EYS: variants seen among roughly 807,000 people sequenced by gnomAD.
The protein encoded by EYS is protein eyes shut homolog.
A neutral mutation model predicts 282.1 loss-of-function variants in EYS; 250 were observed. That is an observed-to-expected ratio of 0.89 (90% CI 0.80 to 0.98). The LOEUF is 0.98. EYS is among the 50% of genes least tolerant of loss of function. The probability of loss-of-function intolerance (pLI) is 0.00; values close to 1 mark genes in which losing one functional copy is unlikely to be tolerated. For synonymous variants in EYS, 1,355 were observed against 1,282.9 expected (o/e 1.06, Z -1.20); for missense variants, 4,016 against 3,709.0 (o/e 1.08, Z -2.15).
intron 35 of EYS, among the ~76,000 whole-genome samples, chr6:63,934,062 A>G (rs1261355712): frequency 6.6e-6 from 1 of 152,186 alleles, no homozygotes; most frequent in Non-Finnish European, 1.5e-5. Flanking sequence ...TACAAGAAAA[A>G]AGCAACCCCA....
intron 22 of EYS, among the ~76,000 whole-genome samples, chr6:64,686,927 G>GTA (rs1355252461): frequency 4.0e-5 from 4 of 99,092 alleles, no homozygotes; most frequent in South Asian, 3.3e-4. Flanking sequence ...ATATATATAC[G>GTA]TATATATATA....
chr6:65,061,155 A>G (rs1773563531), intron 12 of EYS, among the ~76,000 whole-genome samples: 1 of 151,994 alleles, frequency 6.6e-6, no homozygotes, highest in Non-Finnish European at 1.5e-5. Context: ...TAAGGTGTAC[A>G]TGTATATAAT....
intron 12 of EYS, among the ~76,000 whole-genome samples, chr6:65,215,695 G>C (rs901233485): frequency 1.3e-5 from 2 of 152,124 alleles, no homozygotes; most frequent in Non-Finnish European, 2.9e-5. Flanking sequence ...TGTGTAAAAG[G>C]AACTGTGCAC....
intron 12 of EYS, among the ~76,000 whole-genome samples, chr6:65,123,646 T>C (rs1775630266): frequency 6.6e-6 from 1 of 152,036 alleles, no homozygotes; most frequent in African/African-American, 2.4e-5. Flanking sequence ...TGTTTATTAC[T>C]TAATGTTATG....
At chr6:64,352,365 T>A (rs1771672366) in intron 29 of EYS, among the ~76,000 whole-genome samples, 1 of 151,494 alleles carries the variant, frequency 6.6e-6, no homozygotes, top group Non-Finnish European at 1.5e-5. Flanking sequence ...ACGCAAAATA[T>A]TTTAGAACTA....
intron 28 of EYS, among the ~76,000 whole-genome samples, chr6:64,402,413 T>C (rs548022585): frequency 8.7e-4 from 133 of 152,340 alleles, no homozygotes; most frequent in Non-Finnish European, 1.8e-3. Context: ...TTTTAGTTGA[T>C]AGGAAAAACT....
Position 65,405,184 on chromosome 6 carries a change from T to C in EYS, c.1046A>G (p.Lys349Arg), listed in dbSNP as rs1283469162. 6.8e-6 allele frequency: 11 copies of C among 1,611,880 alleles called. No homozygotes were observed. The highest frequency in any genetic ancestry group is 9.3e-6 in the Non-Finnish European group (11 of 1,178,374). ...TAGATTGAGACTTACATTTGATATT[T>C]TGATGCAGTCAGTACCATTCTGACA... ...VPCQNGTDCI[K>R]ISNDVMCICS... The change falls in exon 6 of 43, where the codon AAA (lysine) becomes AGA (arginine). Residue 349 changes from lysine (K) to arginine (R), a missense_variant. By Grantham distance (26) the Lys-to-Arg change is conservative (BLOSUM62 2). Coordinates refer to ENST00000503581, the MANE Select transcript of EYS (RefSeq NM_001142800.2).
At chr6:65,188,072 T>C (rs1035620124) in intron 12 of EYS, among the ~76,000 whole-genome samples, 15 of 151,608 alleles carry the variant, frequency 9.9e-5, no homozygotes, top group Non-Finnish European at 1.5e-4. Flanking sequence ...AAAATAACTG[T>C]TTTTACTATT....
chr6:64,894,272 G>A (rs1767383135), intron 18 of EYS, among the ~76,000 whole-genome samples: 1 of 151,918 alleles, frequency 6.6e-6, no homozygotes, highest in Non-Finnish European at 1.5e-5. Context: ...CCATGGAATT[G>A]GGTTTCGTGA....
In EYS at chr6:65,132,089, C is replaced by A. The variant is rs7769027; in HGVS notation, c.2024-74362G>T. 6.4e-3 allele frequency among the ~76,000 whole-genome samples: 973 copies of A among 151,836 alleles called. 13 individuals are homozygous for A. Among genetic ancestry groups the A allele is most frequent in the African/African-American group, 0.022 (916 of 41,476 alleles). ...AATCAATAATAAATGCCCTGTCAAC[C>A]AAAAAAATTCCAGTGCCAGATGGAT... On this transcript the variant is annotated intron_variant, in intron 12 of 42. Coordinates refer to ENST00000503581, the MANE Select transcript of EYS (RefSeq NM_001142800.2).
chr6:64,000,098 AT>A (rs1423694173), intron 33 of EYS, among the ~76,000 whole-genome samples: 1 of 89,374 alleles, frequency 1.1e-5, no homozygotes, highest in Non-Finnish European at 2.4e-5. Flanking sequence ...GATCAGACTT[AT>A]TTTTTATTTT....
chr6:64,928,956 T>C (rs1482605045), intron 15 of EYS, among the ~76,000 whole-genome samples: 1 of 152,144 alleles, frequency 6.6e-6, no homozygotes, highest in Non-Finnish European at 1.5e-5. Context: ...TCAATAACCG[T>C]AAGATATGTT....
intron 33 of EYS, among the ~76,000 whole-genome samples, chr6:64,035,000 C>T (rs572403898): frequency 6.6e-6 from 1 of 152,268 alleles, no homozygotes; most frequent in South Asian, 2.1e-4. Context: ...CAGAGAATAG[C>T]TAGACGTCAA....
chr6:63,891,292 A>G (rs573889481), intron 35 of EYS, among the ~76,000 whole-genome samples: 2 of 152,276 alleles, frequency 1.3e-5, no homozygotes, highest in South Asian at 4.1e-4. Context: ...AAAAAAGATC[A>G]TTTCAGGCCA....
chr6:65,142,015 G>A (rs549702915), intron 12 of EYS, among the ~76,000 whole-genome samples: 144 of 152,110 alleles, frequency 9.5e-4, no homozygotes, highest in African/African-American at 3.3e-3. Context: ...GAGCAAACAT[G>A]TGTAACTCCA....
chr6:65,029,476 G>T (rs1326493293), intron 13 of EYS, among the ~76,000 whole-genome samples: 1 of 151,968 alleles, frequency 6.6e-6, no homozygotes, highest in Non-Finnish European at 1.5e-5. Context: ...AACAGCATAG[G>T]TTTAAATGAC....
intron 22 of EYS, among the ~76,000 whole-genome samples, chr6:64,792,323 A>G (rs1389640372): frequency 2.6e-5 from 4 of 152,004 alleles, no homozygotes; most frequent in African/African-American, 9.7e-5. Context: ...ATTAGATCAT[A>G]TATTTACAAT....
At chr6:65,171,550 A>C (rs1378483775) in intron 12 of EYS, among the ~76,000 whole-genome samples, 2 of 151,526 alleles carry the variant, frequency 1.3e-5, no homozygotes, top group African/African-American at 4.8e-5. Flanking sequence ...TATGTGGTAA[A>C]ACCCAACACT....
At chr6:64,692,791 G>A (rs1770433944) in intron 22 of EYS, among the ~76,000 whole-genome samples, 1 of 152,000 alleles carries the variant, frequency 6.6e-6, no homozygotes, top group Non-Finnish European at 1.5e-5. Context: ...TCGAAGATCA[G>A]ATGGTTGATA....
Sources: allele counts gnomAD v4.1 joint callset (sites outside exome capture counted in the v4.1 genomes callset), GRCh38; gene constraint gnomAD v4.1.1; transcripts MANE v1.5; gene names NCBI Gene and HGNC (gene_info 2026-07-23, HGNC 2026-07-21).